The following REDIC1 variants were observed in gnomAD, a reference collection of about 807,000 sequenced individuals.
REDIC1 encodes HEI10 Interacting Protein 1.
At chr12:39,645,049 G>C in the REDIC1 span, among the ~76,000 whole-genome samples, 2 of 152,050 alleles carry the variant, frequency 1.3e-5, no homozygotes, top group South Asian at 4.1e-4. Flanking sequence ...TCTTTGTTCA[G>C]ATTCTTCTTT....
chr12:39,696,981 C>T, the REDIC1 span, among the ~76,000 whole-genome samples: 1 of 152,124 alleles, frequency 6.6e-6, no homozygotes, highest in African/African-American at 2.4e-5. Context: ...CCTTTTACCT[C>T]CCAAGAGAAA....
chr12:39,690,629 ATCAATAT>A, the REDIC1 span, among the ~76,000 whole-genome samples: 1 of 133,570 alleles, frequency 7.5e-6, no homozygotes, highest in Non-Finnish European at 1.5e-5. Context: ...TTAAGAAAAA[ATCAATAT>A]AGGTTATAAG....
At chr12:39,684,156 T>A in the REDIC1 span, 1 of 1,020,056 alleles carries the variant, frequency 9.8e-7, no homozygotes, top group Non-Finnish European at 1.2e-6. Flanking sequence ...AAGGTGATTT[T>A]TACACTCATC....
chr12:39,896,021 T>C, the REDIC1 span, among the ~76,000 whole-genome samples: 6 of 144,708 alleles, frequency 4.1e-5, no homozygotes, highest in East Asian at 1.1e-3. Flanking sequence ...TGTATATGTA[T>C]ACATACATGC....
the REDIC1 span, among the ~76,000 whole-genome samples, chr12:39,903,462 T>C: frequency 6.6e-6 from 1 of 152,090 alleles, no homozygotes; most frequent in Non-Finnish European, 1.5e-5. Flanking sequence ...AGTATCTCTT[T>C]ACTCAACTTC....
the REDIC1 span, chr12:39,757,344 T>C: frequency 1.3e-5 from 2 of 151,844 alleles, no homozygotes; most frequent in Non-Finnish European, 3.0e-5. Context: ...TAAATTGTCC[T>C]ACAAAATATA....
the REDIC1 span, among the ~76,000 whole-genome samples, chr12:39,696,945 A>T: frequency 2.0e-5 from 3 of 152,206 alleles, no homozygotes; most frequent in Non-Finnish European, 2.9e-5. Flanking sequence ...TAGCCTCAAG[A>T]GGGCAAATCT....
At chr12:39,840,818 C>T in the REDIC1 span, among the ~76,000 whole-genome samples, 1 of 152,010 alleles carries the variant, frequency 6.6e-6, no homozygotes, top group Non-Finnish European at 1.5e-5. Context: ...AGCTTTTATT[C>T]CTAGAGATTT....
the REDIC1 span, among the ~76,000 whole-genome samples, chr12:39,817,676 T>A: frequency 6.6e-6 from 1 of 152,162 alleles, no homozygotes; most frequent in African/African-American, 2.4e-5. Context: ...CAGTTAGTAG[T>A]CATCTTAGTT....
chr12:39,656,440 G>A, the REDIC1 span, among the ~76,000 whole-genome samples: 8 of 152,152 alleles, frequency 5.3e-5, no homozygotes, highest in Non-Finnish European at 1.0e-4. Flanking sequence ...TAACAAACCT[G>A]CCAGTCATAT....
chr12:39,790,355 T>G, the REDIC1 span, among the ~76,000 whole-genome samples: 1 of 145,058 alleles, frequency 6.9e-6, no homozygotes, highest in Non-Finnish European at 1.5e-5. Flanking sequence ...TATCTCCCAA[T>G]GCTATCCCTC....
At chr12:39,645,446 G>T in the REDIC1 span, among the ~76,000 whole-genome samples, 1 of 152,068 alleles carries the variant, frequency 6.6e-6, no homozygotes, top group East Asian at 1.9e-4. Flanking sequence ...ACAGGGACTT[G>T]AATACTATCA....
chr12:39,807,414 T>C, the REDIC1 span, among the ~76,000 whole-genome samples: 3 of 152,204 alleles, frequency 2.0e-5, no homozygotes, highest in African/African-American at 7.2e-5. Context: ...AACTATACCA[T>C]AATTATGCAA....
the REDIC1 span, among the ~76,000 whole-genome samples, chr12:39,653,572 T>TCTTCTTCTTC: frequency 4.1e-5 from 3 of 72,876 alleles, no homozygotes; most frequent in Non-Finnish European, 9.3e-5. Flanking sequence ...TTCTTCTTCT[T>TCTTCTTCTTC]TTTCTTCCTC....
the REDIC1 span, among the ~76,000 whole-genome samples, chr12:39,668,854 G>T: frequency 6.6e-6 from 1 of 152,036 alleles, no homozygotes; most frequent in African/African-American, 2.4e-5. Context: ...ATCGGCTACT[G>T]AGGCTTGTGC....
chr12:39,745,722 A>C, the REDIC1 span: 2 of 152,272 alleles, frequency 1.3e-5, no homozygotes, highest in Non-Finnish European at 2.9e-5. Flanking sequence ...TTATGTGAAT[A>C]CACATGCATT....
chr12:39,873,483 T>A, the REDIC1 span, among the ~76,000 whole-genome samples: 1 of 152,026 alleles, frequency 6.6e-6, no homozygotes, highest in Non-Finnish European at 1.5e-5. Flanking sequence ...AAATACCAAA[T>A]CTAAAAAGGC....
At chr12:39,666,570 G>A in the REDIC1 span, among the ~76,000 whole-genome samples, 1 of 152,182 alleles carries the variant, frequency 6.6e-6, no homozygotes, top group Non-Finnish European at 1.5e-5. Flanking sequence ...TCAGGATGAT[G>A]CTAGCCTCAT....
the REDIC1 span, among the ~76,000 whole-genome samples, chr12:39,708,875 A>G: frequency 6.6e-6 from 1 of 151,884 alleles, no homozygotes; most frequent in East Asian, 1.9e-4. Flanking sequence ...ATAACCTTTA[A>G]AATAAACTTG....
Sources: gnomAD v4.1 joint callset for allele counts (sites outside exome capture counted in the v4.1 genomes callset) on GRCh38, gnomAD v4.1.1 for gene constraint, MANE v1.5 for transcripts, NCBI Gene and HGNC (gene_info 2026-07-23, HGNC 2026-07-21) for gene names.